The following ATXN7L1 variants were observed in gnomAD, a reference collection of about 807,000 sequenced individuals.
The protein encoded by ATXN7L1 is ataxin 7 like 1.
In ATXN7L1, 15 loss-of-function variants were observed where a neutral mutation model predicts 70.8. That is an observed-to-expected ratio of 0.21 (90% CI 0.14 to 0.33). ATXN7L1 has a LOEUF of 0.33. Ranked by LOEUF, ATXN7L1 falls within the 10% of genes least tolerant of loss-of-function variation. The pLI is 1.00. For missense variants in ATXN7L1, 975 were observed against 1,097.1 expected, an observed-to-expected ratio of 0.89 and a Z score of 1.57; for synonymous variants, 440 against 445.1, an observed-to-expected ratio of 0.99 and a Z score of 0.14.
rs1349418752 is a variant in ATXN7L1 at position 105,709,598 on chromosome 7, T to C, written c.356-44310A>G. 4.6e-5 allele frequency among the ~76,000 whole-genome samples: 7 copies of C among 152,274 alleles called. No individual in the cohort carries two copies. The East Asian group carries it at 1.4e-3, about 29-fold the overall frequency. On this transcript the variant is annotated intron_variant, in intron 3 of 11. Transcript: ENST00000419735. ...GTACCAGACAACTAAAGACAGGCTC[T>C]CTACCCTAGAGCCTGCTGAGATTAT...
intron 9 of ATXN7L1, chr7:105,617,955 C>T (rs957321692): frequency 2.2e-6 from 1 of 456,706 alleles, no homozygotes; most frequent in Non-Finnish European, 4.4e-6. Context: ...GTTTGGGCAG[C>T]GAGGTTGAGA....
rs547043416 is a variant in ATXN7L1, at chr7:105,643,554, C to T, written c.579-433G>A. On this transcript the variant is annotated intron_variant, in intron 4 of 11. Transcript: ENST00000419735. Reference sequence around the variant, plus strand: ...TCCCCCCGCTGCTCAGCTAGTCCCCCAGCCCGGCCCGGATCGGGCCTGACA... The same window carrying T: ...TCCCCCCGCTGCTCAGCTAGTCCCCTAGCCCGGCCCGGATCGGGCCTGACA... 3.3e-5 allele frequency among the ~76,000 whole-genome samples: 5 copies of T among 152,356 alleles called. No individual in the cohort carries two copies. In the East Asian group the frequency reaches 9.6e-4, roughly 29 times the overall value.
chr7:105,809,369 C>G (rs1462241132), intron 2 of ATXN7L1, among the ~76,000 whole-genome samples: 1 of 152,156 alleles, frequency 6.6e-6, no homozygotes, highest in African/African-American at 2.4e-5. Flanking sequence ...ATCTCTAGAA[C>G]TGACTCAGCT....
rs750005518 is a variant in ATXN7L1, at chr7:105,875,923, A to AG, written c.182-44dup. On this transcript the variant is annotated intron_variant, in intron 1 of 11. Transcript: ENST00000419735. ...AAGGAAAACAGAAAATAAGGAAAAA[A>AG]GGGGGGAAAAAAGCCAAAGTCAAGG... is the stretch of plus-strand genomic sequence containing the variant. 1.0e-5 allele frequency: 16 copies of AG among 1,593,268 alleles called. No individual in the cohort carries two copies. In the African/African-American group the frequency reaches 1.5e-4, roughly 15 times the overall value.
intron 3 of ATXN7L1, among the ~76,000 whole-genome samples, chr7:105,770,502 G>T (rs1249741199): frequency 6.6e-6 from 1 of 152,128 alleles, no homozygotes; most frequent in Non-Finnish European, 1.5e-5. Context: ...CTTTTCCTCA[G>T]GGCATTGACT....
intron 3 of ATXN7L1, among the ~76,000 whole-genome samples, chr7:105,692,411 T>TTCCTTCCTTCCTTCCCTCCCTCCCTCCC (rs1554431634): frequency 1.7e-5 from 2 of 119,416 alleles, no homozygotes; most frequent in Non-Finnish European, 3.6e-5. Context: ...CCTTCCTTCC[T>TTCCTTCCTTCCTTCCCTCCCTCCCTCCC]TCCTTCCTTC....
At chr7:105,749,046 G>A (rs1267420492) in intron 3 of ATXN7L1, among the ~76,000 whole-genome samples, 3 of 152,116 alleles carry the variant, frequency 2.0e-5, no homozygotes, top group African/African-American at 7.2e-5. Flanking sequence ...ACAGGAATTC[G>A]CCCCTCACTT....
At chr7:105,732,465 C>G (rs1648170641) in intron 3 of ATXN7L1, among the ~76,000 whole-genome samples, 2 of 151,506 alleles carry the variant, frequency 1.3e-5, no homozygotes, top group African/African-American at 4.9e-5. Flanking sequence ...TTTTTTTTTC[C>G]CTTGGGAGAA....
At chr7:105,644,293 C>G (rs996533398) in intron 4 of ATXN7L1, among the ~76,000 whole-genome samples, 6 of 152,156 alleles carry the variant, frequency 3.9e-5, no homozygotes, top group African/African-American at 1.4e-4. Context: ...CCCCTCTCAG[C>G]CCCTGCCCCT....
At chr7:105,727,752 A>ATG (rs1796020551) in intron 3 of ATXN7L1, among the ~76,000 whole-genome samples, 3 of 83,084 alleles carry the variant, frequency 3.6e-5, no homozygotes, top group African/African-American at 1.5e-4. Context: ...GTGTGTATAT[A>ATG]TATATATATA....
intron 3 of ATXN7L1, among the ~76,000 whole-genome samples, chr7:105,673,614 C>G (rs1042136631): frequency 1.3e-5 from 2 of 152,218 alleles, no homozygotes; most frequent in Non-Finnish European, 2.9e-5. Flanking sequence ...TATAAACACC[C>G]TGATTTCCAA....
chr7:105,788,371 C>T, intron 3 of ATXN7L1: 3 of 513,550 alleles, frequency 5.8e-6, no homozygotes, highest in Non-Finnish European at 1.1e-5. Flanking sequence ...GTCCCATCGA[C>T]CGAGACAAGT....
chr7:105,665,694 A>G (rs1209407772), intron 3 of ATXN7L1, among the ~76,000 whole-genome samples: 5 of 152,216 alleles, frequency 3.3e-5, no homozygotes, highest in Non-Finnish European at 5.9e-5. Context: ...TGGACAGGGC[A>G]GGACTCTTAA....
intron 2 of ATXN7L1, among the ~76,000 whole-genome samples, chr7:105,872,728 G>A (rs1818446644): frequency 6.6e-6 from 1 of 152,030 alleles, no homozygotes; most frequent in African/African-American, 2.4e-5. Flanking sequence ...TGGAAAATTT[G>A]GGAAATGGAA....
intron 2 of ATXN7L1, among the ~76,000 whole-genome samples, chr7:105,865,152 A>G (rs1817218865): frequency 6.6e-6 from 1 of 152,224 alleles, no homozygotes; most frequent in South Asian, 2.1e-4. Context: ...AACAACGATC[A>G]TCACAACAAA....
At chr7:105,692,370 TTTCCTTCCTTCCTTCCTTCCTTCC>T (rs60485799) in intron 3 of ATXN7L1, among the ~76,000 whole-genome samples, 110 of 94,604 alleles carry the variant, frequency 1.2e-3, no homozygotes, top group Non-Finnish European at 2.0e-3. Flanking sequence ...AATTTCTTTC[TTTCCTTCCTTCCTTCCTTCCTTCC>T]TTCCTTCCTT....
intron 3 of ATXN7L1, among the ~76,000 whole-genome samples, chr7:105,784,581 C>G (rs572250): frequency 0.17 from 25,782 of 152,026 alleles, 2,558 homozygotes; most frequent in South Asian, 0.29. Context: ...CACAGGAGAA[C>G]AGAGTTTTGT....
rs146440323 is a variant in ATXN7L1 at position 105,759,413 on chromosome 7, G to A, written c.355+29191C>T. ...TGAGGCTTAAACCTCCTCGCTGGAG[G>A]AGGAGCCAATAAGAAGACTGGCAGC... On this transcript the variant is annotated intron_variant, in intron 3 of 11. Coordinates refer to ENST00000419735, the MANE Select transcript of ATXN7L1 (RefSeq NM_020725.2). Among the ~76,000 whole-genome samples, 985 of 151,348 alleles carry A rather than the reference G, an allele frequency of 6.5e-3. 14 individuals are homozygous for A. The highest frequency in any genetic ancestry group is 0.021 in the African/African-American group (857 of 41,226).
rs995566335 is a variant in ATXN7L1 at position 105,606,153 on chromosome 7, T to C, written c.*1699A>G. 3 of 152,156 alleles carry C rather than the reference T, an allele frequency of 2.0e-5. No individual in the cohort carries two copies. Among genetic ancestry groups the C allele is most frequent in the African/African-American group, 7.2e-5 (3 of 41,442 alleles). 9.4% of individuals were successfully genotyped at this position (152,156 alleles called of 1,614,324 possible). On this transcript the variant is annotated 3_prime_UTR_variant, in exon 12 of 12. Coordinates refer to ENST00000419735, the MANE Select transcript of ATXN7L1 (RefSeq NM_020725.2). ...GCATATAAGTGCACTTTTAACACTG[T>C]AGAAATAAAAATGAAATCATCCGAA...
Sources: gnomAD v4.1 joint callset for allele counts (sites outside exome capture counted in the v4.1 genomes callset) on GRCh38, gnomAD v4.1.1 for gene constraint, MANE v1.5 for transcripts, NCBI Gene and HGNC (gene_info 2026-07-23, HGNC 2026-07-21) for gene names.